Variants in CAMK1D observed in about 807,000 individuals in gnomAD.
CAMK1D encodes the protein calcium/calmodulin dependent protein kinase ID, also known as calcium/calmodulin-dependent protein kinase type 1D.
A neutral mutation model predicts 47.7 loss-of-function variants in CAMK1D; 9 were observed. The ratio of observed to expected loss-of-function variants is 0.19; its 90% confidence interval spans 0.11 to 0.33. The LOEUF is 0.33. Among genes scored for constraint, CAMK1D ranks in the 10% least tolerant of loss-of-function variants. CAMK1D has a pLI of 1.00. For missense variants in CAMK1D, 291 were observed against 488.7 expected (o/e 0.60, Z 3.81); for synonymous variants, 184 against 184.9 (o/e 0.99, Z 0.04).
At chr10:12,353,820 A>G (rs45623639) in intron 1 of CAMK1D, among the ~76,000 whole-genome samples, 14,881 of 152,150 alleles carry the variant, frequency 0.098, 912 homozygotes, top group Non-Finnish European at 0.14. Flanking sequence ...AGAACAAATA[A>G]ATGTTATGTA....
chr10:12,422,871 C>G (rs898784328), intron 1 of CAMK1D, among the ~76,000 whole-genome samples: 8 of 151,974 alleles, frequency 5.3e-5, no homozygotes, highest in African/African-American at 4.8e-5. Context: ...CGGGGTTCCT[C>G]CATGTTGATC....
intron 3 of CAMK1D, among the ~76,000 whole-genome samples, chr10:12,734,570 G>GCA (rs1835094514): frequency 7.0e-6 from 1 of 143,870 alleles, no homozygotes; most frequent in African/African-American, 2.6e-5. Context: ...ACACATATGT[G>GCA]TATATATATA....
intron 1 of CAMK1D, among the ~76,000 whole-genome samples, chr10:12,394,988 C>T (rs1588438472): frequency 2.0e-5 from 3 of 152,008 alleles, no homozygotes; most frequent in South Asian, 4.2e-4. Context: ...GCATGGTGTG[C>T]CTCCAACTTG....
At chr10:12,763,421 G>C (rs1836596570) in intron 4 of CAMK1D, among the ~76,000 whole-genome samples, 3 of 152,284 alleles carry the variant, frequency 2.0e-5, no homozygotes, top group Non-Finnish European at 2.9e-5. Context: ...GCGATGTCTT[G>C]TTGCCCTGAG....
chr10:12,623,624 G>A (rs577810228), intron 2 of CAMK1D, among the ~76,000 whole-genome samples: 14 of 151,242 alleles, frequency 9.3e-5, no homozygotes, highest in Non-Finnish European at 1.5e-4. Flanking sequence ...TAGGGAAACC[G>A]CATCATGAAA....
chr10:12,415,746 GT>G (rs148855799), intron 1 of CAMK1D, among the ~76,000 whole-genome samples: 27,632 of 138,978 alleles, frequency 0.2, 2,497 homozygotes, highest in Admixed American at 0.29. Flanking sequence ...TTAAAATTAC[GT>G]TTTTTTTTTT....
chr10:12,573,393 C>T (rs1205039091), intron 2 of CAMK1D, among the ~76,000 whole-genome samples: 1 of 131,446 alleles, frequency 7.6e-6, no homozygotes, highest in African/African-American at 4.3e-5. Flanking sequence ...TGGTGGGTTA[C>T]CGCTAGCATT....
intron 1 of CAMK1D, among the ~76,000 whole-genome samples, chr10:12,485,202 G>A (rs115782153): frequency 1.2e-3 from 189 of 152,316 alleles, no homozygotes; most frequent in African/African-American, 4.4e-3. Context: ...ACATGGCTAA[G>A]GCAGATTATT....
rs913393911 is a variant in CAMK1D at position 12,673,532 on chromosome 10, G to A, written c.299+6722G>A. ...CTTACTAGTTCCAGTGTTGTTTTGT[G>A]GATTTCTTACCATTTTCTATCTCAA... is the stretch of plus-strand genomic sequence containing the variant. On this transcript the variant is annotated intron_variant, in intron 3 of 10. Coordinates refer to ENST00000619168, the MANE Select transcript of CAMK1D (RefSeq NM_153498.4). 3.9e-5 allele frequency among the ~76,000 whole-genome samples: 6 copies of A among 151,974 alleles called. No individual in the cohort carries two copies. In the East Asian group the frequency reaches 1.2e-3, roughly 29 times the overall value.
At chr10:12,790,398 G>A (rs1431458776) in intron 5 of CAMK1D, among the ~76,000 whole-genome samples, 6 of 152,220 alleles carry the variant, frequency 3.9e-5, no homozygotes, top group Non-Finnish European at 7.3e-5. Context: ...TGACCCCACA[G>A]CACCCAGAAG....
chr10:12,356,879 C>T (rs1327495854), intron 1 of CAMK1D, among the ~76,000 whole-genome samples: 1 of 152,126 alleles, frequency 6.6e-6, no homozygotes, highest in East Asian at 1.9e-4. Context: ...CTGGTTCGAA[C>T]TTGGCCACTG....
intron 2 of CAMK1D, among the ~76,000 whole-genome samples, chr10:12,621,809 G>GTT (rs924659985): frequency 6.6e-6 from 1 of 151,950 alleles, no homozygotes; most frequent in African/African-American, 2.4e-5. Context: ...AGTTGTGTGT[G>GTT]TGTGTATGTG....
intron 2 of CAMK1D, among the ~76,000 whole-genome samples, chr10:12,588,864 A>ATGTG (rs374126074): frequency 0.16 from 17,026 of 104,596 alleles, 1,042 homozygotes; most frequent in South Asian, 0.28. Context: ...GTATATGTAT[A>ATGTG]TATGTGTGTG....
At chr10:12,374,290 A>G (rs1390405186) in intron 1 of CAMK1D, among the ~76,000 whole-genome samples, 1 of 151,674 alleles carries the variant, frequency 6.6e-6, no homozygotes, top group East Asian at 1.9e-4. Flanking sequence ...AGAAAAAAGA[A>G]AAAAAGAGCC....
intron 3 of CAMK1D, among the ~76,000 whole-genome samples, chr10:12,671,891 T>A (rs1388279689): frequency 8.0e-5 from 12 of 150,612 alleles, no homozygotes; most frequent in African/African-American, 2.9e-4. Context: ...GGTGTTATAC[T>A]AAGAAGTTAT....
At chr10:12,828,117 T>C (rs540077706) in intron 10 of CAMK1D, among the ~76,000 whole-genome samples, 1 of 152,342 alleles carries the variant, frequency 6.6e-6, no homozygotes, top group East Asian at 1.9e-4. Flanking sequence ...AAGTGGACAA[T>C]TCGTATGATG....
intron 4 of CAMK1D, among the ~76,000 whole-genome samples, chr10:12,762,144 T>C (rs957885115): frequency 1.3e-5 from 2 of 152,086 alleles, no homozygotes; most frequent in African/African-American, 4.8e-5. Flanking sequence ...TAGAAAGCAG[T>C]GCGGTTGACC....
At chr10:12,674,875 T>A (rs1423659238) in intron 3 of CAMK1D, among the ~76,000 whole-genome samples, 1 of 151,470 alleles carries the variant, frequency 6.6e-6, no homozygotes. Context: ...CTACTAAAAA[T>A]ACAAAAATTA....
chr10:12,438,322 C>T (rs990909849), intron 1 of CAMK1D, among the ~76,000 whole-genome samples: 2 of 152,088 alleles, frequency 1.3e-5, no homozygotes, highest in South Asian at 2.1e-4. Flanking sequence ...GTTAAGCTGC[C>T]CTTGGTGTCT....
Sources: allele counts gnomAD v4.1 joint callset (sites outside exome capture counted in the v4.1 genomes callset), GRCh38; gene constraint gnomAD v4.1.1; transcripts MANE v1.5; gene names NCBI Gene and HGNC (gene_info 2026-07-23, HGNC 2026-07-21).